The following RAB38 variants were observed in gnomAD, a reference collection of about 807,000 sequenced individuals.
RAB38 encodes the protein RAB38, member RAS oncogene family.
A neutral mutation model predicts 18.4 loss-of-function variants in RAB38; 15 were observed. That is an observed-to-expected ratio of 0.82 (90% CI 0.55 to 1.26). The LOEUF is 1.26. Among genes scored for constraint, RAB38 ranks in the 50% most tolerant of loss-of-function variants. The pLI is 0.00. For synonymous variants in RAB38, 101 were observed against 104.4 expected (o/e 0.97, Z 0.20); for missense variants, 294 against 267.4 (o/e 1.10, Z -0.69).
chr11:88,021,774 G>T, the RAB38 span, among the ~76,000 whole-genome samples: 944 of 142,674 alleles, frequency 6.6e-3, 6 homozygotes, highest in African/African-American at 0.023. Context: ...TAGAGGCAGG[G>T]TTTCACACTG....
At chr11:87,843,032 A>G in the RAB38 span, among the ~76,000 whole-genome samples, 5 of 152,242 alleles carry the variant, frequency 3.3e-5, 1 homozygote, top group South Asian at 6.2e-4. Context: ...TATTAATTCA[A>G]TCCCTCCCAC....
At chr11:88,068,368 C>A in the RAB38 span, among the ~76,000 whole-genome samples, 1 of 152,020 alleles carries the variant, frequency 6.6e-6, no homozygotes, top group Non-Finnish European at 1.5e-5. Flanking sequence ...ATAGCCTAAT[C>A]TTAGGTAATA....
the RAB38 span, among the ~76,000 whole-genome samples, chr11:87,922,406 G>A: frequency 1.3e-5 from 2 of 151,930 alleles, no homozygotes; most frequent in African/African-American, 4.8e-5. Context: ...TTCAATCATG[G>A]AGATCTAGTT....
rs375663003 is a variant in RAB38, at chr11:88,152,649, C to G, written c.203-2694G>C. Among the ~76,000 whole-genome samples, 9 of 152,162 alleles carry G rather than the reference C, an allele frequency of 5.9e-5. No individual in the cohort carries two copies. The East Asian group carries it at 7.7e-4, about 13-fold the overall frequency. On this transcript the variant is annotated intron_variant, in intron 1 of 2. Coordinates refer to ENST00000243662, the MANE Select transcript of RAB38 (RefSeq NM_022337.3). ...TCTCCTTCCTTTGTCAGCTGACAGT[C>G]CTCTTTGCTCTTTCTTATTCAAAGA...
At chr11:88,157,104 C>A (rs1227323907) in intron 1 of RAB38, among the ~76,000 whole-genome samples, 1 of 152,168 alleles carries the variant, frequency 6.6e-6, no homozygotes, top group African/African-American at 2.4e-5. Flanking sequence ...AAATCCATCT[C>A]ACATGTAATG....
chr11:88,040,734 AACAACAACAACG>A, the RAB38 span, among the ~76,000 whole-genome samples: 2 of 85,428 alleles, frequency 2.3e-5, no homozygotes, highest in Admixed American at 1.3e-4. Context: ...CAACAACAAC[AACAACAACAACG>A]AGCCTATCTC....
chr11:87,817,189 G>A, the RAB38 span: 2 of 152,022 alleles, frequency 1.3e-5, no homozygotes, highest in Non-Finnish European at 2.9e-5. Context: ...TATACAAATC[G>A]GTAGTGTTCC....
chr11:88,164,628 C>T (rs61901584), intron 1 of RAB38, among the ~76,000 whole-genome samples: 37,777 of 151,704 alleles, frequency 0.25, 4,706 homozygotes, highest in Admixed American at 0.27. Flanking sequence ...TTAATTTATG[C>T]GTTCTCTTTT....
chr11:87,837,985 C>T, the RAB38 span, among the ~76,000 whole-genome samples: 1 of 152,140 alleles, frequency 6.6e-6, no homozygotes, highest in East Asian at 1.9e-4. Context: ...CAGAGTTTAA[C>T]TCTTAATAAG....
the RAB38 span, among the ~76,000 whole-genome samples, chr11:87,852,431 C>T: frequency 6.6e-6 from 1 of 152,136 alleles, no homozygotes; most frequent in African/African-American, 2.4e-5. Flanking sequence ...ATCAAAGTCA[C>T]ATTTCTTGCT....
chr11:88,064,174 C>A, the RAB38 span, among the ~76,000 whole-genome samples: 2 of 152,126 alleles, frequency 1.3e-5, no homozygotes, highest in Non-Finnish European at 2.9e-5. Context: ...GGGTTATCAT[C>A]TTATGGAGAT....
the RAB38 span, among the ~76,000 whole-genome samples, chr11:87,919,015 TA>T: frequency 6.6e-6 from 1 of 152,070 alleles, no homozygotes; most frequent in Non-Finnish European, 1.5e-5. Flanking sequence ...TTTAGGTCTT[TA>T]ATCAATTTTG....
At chr11:88,115,287 T>C (rs1311794413) in intron 2 of RAB38, among the ~76,000 whole-genome samples, 1 of 152,250 alleles carries the variant, frequency 6.6e-6, no homozygotes, top group Non-Finnish European at 1.5e-5. Flanking sequence ...TAAAATGTTT[T>C]ACTACAGAAC....
the RAB38 span, among the ~76,000 whole-genome samples, chr11:88,037,037 C>A: frequency 1.3e-5 from 2 of 151,900 alleles, no homozygotes; most frequent in Non-Finnish European, 2.9e-5. Context: ...TGCTTTGGAA[C>A]AATTTAAAAA....
the RAB38 span, among the ~76,000 whole-genome samples, chr11:87,830,867 C>T: frequency 4.5e-4 from 68 of 151,936 alleles, no homozygotes; most frequent in East Asian, 9.5e-3. Flanking sequence ...GGTGTGGTCT[C>T]GGCTCACTGC....
the RAB38 span, among the ~76,000 whole-genome samples, chr11:87,809,734 G>A: frequency 2.0e-5 from 3 of 151,876 alleles, no homozygotes; most frequent in African/African-American, 7.3e-5. Context: ...TATTCACAAA[G>A]CTAGTTTTAT....
the RAB38 span, chr11:88,062,252 A>C: frequency 6.6e-6 from 1 of 151,772 alleles, no homozygotes; most frequent in South Asian, 2.1e-4. Flanking sequence ...CATGATAGCG[A>C]GTTCTCACCG....
the RAB38 span, among the ~76,000 whole-genome samples, chr11:88,073,903 TAG>T: frequency 2.0e-5 from 3 of 152,006 alleles, no homozygotes; most frequent in African/African-American, 7.2e-5. Flanking sequence ...GAAAATTCAC[TAG>T]AGAGTCTTGA....
the RAB38 span, among the ~76,000 whole-genome samples, chr11:87,933,330 C>T: frequency 6.6e-6 from 1 of 152,064 alleles, no homozygotes; most frequent in Non-Finnish European, 1.5e-5. Context: ...TGAGCCGTTC[C>T]TTGCCCACTC....
Sources: allele counts gnomAD v4.1 joint callset (sites outside exome capture counted in the v4.1 genomes callset), GRCh38; gene constraint gnomAD v4.1.1; transcripts MANE v1.5; gene names NCBI Gene and HGNC (gene_info 2026-07-23, HGNC 2026-07-21).